RAB3C: variants seen among roughly 807,000 people sequenced by gnomAD.
The protein encoded by RAB3C is ras-related protein Rab-3C.
Under a neutral mutation model 26.4 loss-of-function variants are expected in RAB3C, and 17 were observed. The observed-to-expected ratio is 0.64, with a 90% CI of 0.44 to 0.97. The LOEUF (loss-of-function observed/expected upper bound fraction) is 0.97. Ranked by LOEUF, RAB3C falls within the 50% of genes least tolerant of loss-of-function variation. The probability of loss-of-function intolerance (pLI) is 0.00; values close to 1 mark genes in which losing one functional copy is unlikely to be tolerated. For synonymous variants in RAB3C, 91 were observed against 95.9 expected (o/e 0.95, Z 0.30); for missense variants, 242 against 281.9 (o/e 0.86, Z 1.01).
At chr5:58,612,524 A>ATATATATATATATATATATATG (rs1746731223) in intron 1 of RAB3C, among the ~76,000 whole-genome samples, 1 of 58,862 alleles carries the variant, frequency 1.7e-5, no homozygotes, top group Admixed American at 2.3e-4. Flanking sequence ...GTGTGTGTAT[A>ATATATATATATATATATATATG]TATATATATA....
intron 3 of RAB3C, among the ~76,000 whole-genome samples, chr5:58,780,713 A>G (rs767522004): frequency 3.2e-4 from 48 of 152,074 alleles, no homozygotes; most frequent in Non-Finnish European, 7.4e-5. Flanking sequence ...GGGTGAGCCT[A>G]TGTCTGTTTC....
At chr5:58,804,743 A>G (rs1295093732) in intron 3 of RAB3C, among the ~76,000 whole-genome samples, 1 of 152,096 alleles carries the variant, frequency 6.6e-6, no homozygotes, top group East Asian at 1.9e-4. Context: ...AGCAATGTTC[A>G]TACACACCAT....
chr5:58,714,662 A>T (rs1444353427), intron 2 of RAB3C, among the ~76,000 whole-genome samples: 1 of 152,132 alleles, frequency 6.6e-6, no homozygotes, highest in Non-Finnish European at 1.5e-5. Context: ...GGAATGGATG[A>T]CTGAAAAATT....
intron 1 of RAB3C, among the ~76,000 whole-genome samples, chr5:58,585,654 GT>G (rs1303567288): frequency 1.3e-5 from 2 of 151,994 alleles, no homozygotes; most frequent in Non-Finnish European, 2.9e-5. Flanking sequence ...TAAAAATCAT[GT>G]AAGGTCTTTT....
chr5:58,731,209 G>A (rs1183222538), intron 3 of RAB3C, among the ~76,000 whole-genome samples: 2 of 152,102 alleles, frequency 1.3e-5, no homozygotes, highest in African/African-American at 4.8e-5. Flanking sequence ...TGAGGAAATG[G>A]AAGCTATCTC....
chr5:58,762,885 C>T (rs1741827683), intron 3 of RAB3C, among the ~76,000 whole-genome samples: 4 of 152,076 alleles, frequency 2.6e-5, no homozygotes, highest in Admixed American at 2.6e-4. Flanking sequence ...AATCATGACT[C>T]TCATACAAAT....
intron 3 of RAB3C, among the ~76,000 whole-genome samples, chr5:58,759,659 G>A (rs572414966): frequency 4.7e-4 from 72 of 152,256 alleles, no homozygotes; most frequent in Non-Finnish European, 8.8e-4. Context: ...AGTGGTTTTC[G>A]AATCTGCTAG....
chr5:58,731,575 G>A (rs72762103), intron 3 of RAB3C, among the ~76,000 whole-genome samples: 3 of 152,238 alleles, frequency 2.0e-5, no homozygotes, highest in Non-Finnish European at 4.4e-5. Context: ...GGAGAAAAGG[G>A]AGCATCAGGG....
intron 3 of RAB3C, among the ~76,000 whole-genome samples, chr5:58,731,323 A>G (rs1056455059): frequency 9.2e-5 from 14 of 152,308 alleles, no homozygotes; most frequent in African/African-American, 3.4e-4. Flanking sequence ...TGTAAAATTA[A>G]TACAAAATTA....
chr5:58,677,056 G>A (rs1487966952), intron 2 of RAB3C, among the ~76,000 whole-genome samples: 1 of 152,128 alleles, frequency 6.6e-6, no homozygotes, highest in African/African-American at 2.4e-5. Context: ...TCTAGGGAAG[G>A]ATCTCTTCCA....
At chr5:58,800,096 C>G (rs568546127) in intron 3 of RAB3C, among the ~76,000 whole-genome samples, 2 of 152,354 alleles carry the variant, frequency 1.3e-5, no homozygotes, top group South Asian at 4.1e-4. Flanking sequence ...GCTGCCTAGA[C>G]TTCCCAGTGA....
chr5:58,729,933 A>G (rs1740976163), intron 3 of RAB3C, among the ~76,000 whole-genome samples: 2 of 147,932 alleles, frequency 1.4e-5, no homozygotes, highest in South Asian at 4.2e-4. Flanking sequence ...ACACATATAC[A>G]TATCCTATAT....
intron 2 of RAB3C, among the ~76,000 whole-genome samples, chr5:58,663,974 G>C (rs1747953660): frequency 6.6e-6 from 1 of 152,050 alleles, no homozygotes. Context: ...ATGTATTTTA[G>C]AATAACGAGA....
intron 3 of RAB3C, among the ~76,000 whole-genome samples, chr5:58,803,028 G>A (rs1175593684): frequency 6.6e-6 from 1 of 152,170 alleles, no homozygotes; most frequent in Non-Finnish European, 1.5e-5. Flanking sequence ...TAAGACAAAG[G>A]TAGTACCCAT....
At chr5:58,674,136 A>G (rs531901737) in intron 2 of RAB3C, among the ~76,000 whole-genome samples, 2 of 152,322 alleles carry the variant, frequency 1.3e-5, no homozygotes, top group East Asian at 1.9e-4. Context: ...TAGAAAGGGA[A>G]TATAGAAATG....
intron 1 of RAB3C, among the ~76,000 whole-genome samples, chr5:58,616,772 A>T (rs1746833391): frequency 6.6e-6 from 1 of 152,162 alleles, no homozygotes; most frequent in African/African-American, 2.4e-5. Context: ...GAGTGGAGCC[A>T]AGTTTTGAAC....
intron 2 of RAB3C, among the ~76,000 whole-genome samples, chr5:58,647,896 TACA>T (rs1747560045): frequency 6.6e-6 from 1 of 152,228 alleles, no homozygotes; most frequent in Admixed American, 6.5e-5. Flanking sequence ...TTGTTCTCTT[TACA>T]ACAACTGTTT....
intron 4 of RAB3C, 119 bp downstream of exon 4, chr5:58,825,281 G>T: frequency 9.1e-7 from 1 of 1,101,862 alleles, no homozygotes; most frequent in East Asian, 3.2e-5. Flanking sequence ...ATCTAAGAGT[G>T]GAAAGCAACA....
intron 2 of RAB3C, among the ~76,000 whole-genome samples, chr5:58,659,139 A>T (rs1747843776): frequency 6.6e-6 from 1 of 152,258 alleles, no homozygotes; most frequent in Non-Finnish European, 1.5e-5. Flanking sequence ...ACAGTGAATT[A>T]ATCACATAGG....
Sources: allele counts gnomAD v4.1 joint callset (sites outside exome capture counted in the v4.1 genomes callset), GRCh38; gene constraint gnomAD v4.1.1; transcripts MANE v1.5; gene names NCBI Gene and HGNC (gene_info 2026-07-23, HGNC 2026-07-21).